The following ZEB2 variants were observed in gnomAD, a reference collection of about 807,000 sequenced individuals.
The protein encoded by ZEB2 is zinc finger E-box binding homeobox 2.
A neutral mutation model predicts 99.9 loss-of-function variants in ZEB2; 6 were observed. The ratio of observed to expected loss-of-function variants is 0.06; its 90% CI spans 0.03 to 0.12. The LOEUF (loss-of-function observed/expected upper bound fraction) is 0.12, where lower values mean the gene tolerates loss of function less well. Ranked by LOEUF, ZEB2 falls within the 10% of genes least tolerant of loss-of-function variation. ZEB2 has a pLI of 1.00. For missense variants in ZEB2, 969 were observed against 1,502.8 expected (o/e 0.64, Z 5.87); for synonymous variants, 517 against 542.5 (o/e 0.95, Z 0.65).
chr2:144,455,416 AAGCT>A (rs1475187042), intron 2 of ZEB2, among the ~76,000 whole-genome samples: 20 of 152,286 alleles, frequency 1.3e-4, no homozygotes, highest in South Asian at 4.1e-4. Flanking sequence ...TAAAATTTAC[AAGCT>A]GACTATCTGC....
chr2:144,387,003 T>C lies in ZEB2; in HGVS notation c.*2448A>G, dbSNP rs1390793400. ...TTTCTAAAAAGGTCTGCTCAACTAT[T>C]ACTGTATCTTCATTACATCCTTTCT... On this transcript the variant is annotated 3_prime_UTR_variant, in exon 10 of 10. Transcript: ENST00000627532. The C allele has an allele frequency of 7.2e-6, 1 of 138,402 alleles. No individual in the cohort carries two copies. Among genetic ancestry groups the C allele is most frequent in the Non-Finnish European group, 1.5e-5 (1 of 64,722 alleles). 8.6% of individuals were successfully genotyped at this position (138,402 alleles called of 1,614,324 possible).
In ZEB2 at chr2:144,497,877, C is replaced by A. The variant is rs1477190603; in HGVS notation, c.73+19401G>T. 5 of 2,166 alleles carry A rather than the reference C, an allele frequency of 2.3e-3. 1 individual carries two copies. The highest frequency in any genetic ancestry group is 0.01 in the Admixed American group (1 of 100). The allele number at this position is 2,166 out of a possible 1,614,324, so 0.1% of individuals were successfully genotyped here. On this transcript the variant is annotated intron_variant, in intron 2 of 9. Transcript: ENST00000627532. ...TCAACATATATATATATATGTCATT[C>A]TCAACATATATATATATGTCATTCT...
At chr2:144,411,093 ATATAT>A (rs1465163718) in intron 4 of ZEB2, among the ~76,000 whole-genome samples, 1 of 108,404 alleles carries the variant, frequency 9.2e-6, no homozygotes, top group African/African-American at 3.0e-5. Flanking sequence ...ATATATATAT[ATATAT>A]ATGTATAATA....
chr2:144,461,359 A>G (rs1704191805), intron 2 of ZEB2: 1 of 152,174 alleles, frequency 6.6e-6, no homozygotes, highest in Non-Finnish European at 1.5e-5. Context: ...GTAATAGTGC[A>G]TATCAATTTT....
chr2:144,480,646 T>C (rs937183243), intron 2 of ZEB2, among the ~76,000 whole-genome samples: 1 of 151,858 alleles, frequency 6.6e-6, no homozygotes, highest in African/African-American at 2.4e-5. Flanking sequence ...CTTTCTGCCC[T>C]GATAGGAATG....
chr2:144,512,347 C>T (rs1459413487), intron 2 of ZEB2: 3 of 1,287,250 alleles, frequency 2.3e-6, no homozygotes, highest in Middle Eastern at 6.5e-4. Flanking sequence ...GAATCTCCCA[C>T]ATCTTAGAAT....
intron 2 of ZEB2, among the ~76,000 whole-genome samples, chr2:144,438,682 A>G (rs1348427510): frequency 6.6e-6 from 1 of 152,164 alleles, no homozygotes; most frequent in Non-Finnish European, 1.5e-5. Flanking sequence ...TATCTTTGAA[A>G]TCTCAGTTTT....
chr2:144,449,098 G>A (rs555947883), intron 2 of ZEB2, among the ~76,000 whole-genome samples: 2 of 152,306 alleles, frequency 1.3e-5, no homozygotes, highest in South Asian at 2.1e-4. Flanking sequence ...TTCAGCCTGC[G>A]CACGCTGGGG....
At position 144,489,923 on chromosome 2, in the gene ZEB2, C is replaced by T. The variant is rs751575399; in HGVS notation, c.73+27355G>A. Among the ~76,000 whole-genome samples the T allele has an allele frequency of 5.1e-4, 78 of 152,176 alleles. 1 individual carries two copies. Among genetic ancestry groups the T allele is most frequent in the South Asian group, 2.1e-4 (1 of 4,828 alleles). On this transcript the variant is annotated intron_variant, in intron 2 of 9. Coordinates refer to ENST00000627532, the MANE Select transcript of ZEB2 (RefSeq NM_014795.4). ...GTGGACATTCCTTCTGAAACACAAACGGAGGCTCTGAAATTCCCATGTCTT... is the reference window on the plus strand; with the variant it reads ...GTGGACATTCCTTCTGAAACACAAATGGAGGCTCTGAAATTCCCATGTCTT...
At position 144,452,904 on chromosome 2, in the gene ZEB2, T is replaced by C. The variant is rs148184815; in HGVS notation, c.74-22878A>G. Among the ~76,000 whole-genome samples, 5 of 152,328 alleles carry C rather than the reference T, an allele frequency of 3.3e-5. No individual in the cohort carries two copies. The East Asian group carries it at 7.7e-4, about 24-fold the overall frequency. ...AAACTACTGACAAAAGCCTTTAATC[T>C]TTCCCACATTCCTCAAGGCATTCTC... On this transcript the variant is annotated intron_variant, in intron 2 of 9. Transcript: ENST00000627532.
At chr2:144,467,574 A>G (rs1418620129) in intron 2 of ZEB2, among the ~76,000 whole-genome samples, 2 of 152,164 alleles carry the variant, frequency 1.3e-5, no homozygotes, top group Non-Finnish European at 2.9e-5. Context: ...AATTCCAGGG[A>G]AAGAATCCCA....
intron 2 of ZEB2, among the ~76,000 whole-genome samples, chr2:144,436,708 C>T (rs1309060211): frequency 1.3e-5 from 2 of 152,192 alleles, no homozygotes; most frequent in African/African-American, 4.8e-5. Context: ...TAGGCTCCAA[C>T]ATGCAGGTAA....
rs919014269 is a variant in ZEB2, at chr2:144,399,829, A to G, written c.1358T>C (p.Met453Thr). ...MEAPLLGFPT[M>T]NSNLSEVQKV... Reference sequence around the variant, plus strand: ...TTGTACCTCACTTAAATTACTATTCATGGTGGGAAACCCAAGTAAAGGGGC... The same window carrying G: ...TTGTACCTCACTTAAATTACTATTCGTGGTGGGAAACCCAAGTAAAGGGGC... The change falls in exon 8 of 10, where the codon ATG (methionine) becomes ACG (threonine). Residue 453 changes from methionine (M) to threonine (T), a missense_variant. This residue lies in a region of ZEB2 where 227 missense variants were observed against 278.2 expected (regional missense o/e 0.82). Coordinates refer to ENST00000627532, the MANE Select transcript of ZEB2 (RefSeq NM_014795.4). The surrounding 1 kb of genome is among the most constrained non-coding windows in gnomAD (Gnocchi z 5.6). 6.2e-7 allele frequency: 1 copy of G among 1,614,054 alleles called. No homozygotes were observed. Among genetic ancestry groups the G allele is most frequent in the Admixed American group, 1.7e-5 (1 of 60,006 alleles).
chr2:144,512,622 G>A, intron 2 of ZEB2: 1 of 1,287,244 alleles, frequency 7.8e-7, no homozygotes, highest in Non-Finnish European at 1.0e-6. Flanking sequence ...GAGAAACAAT[G>A]TAAAGTTTAA....
intron 9 of ZEB2, 130 bp downstream of exon 9, chr2:144,396,282 A>G (rs1703228424): frequency 1.6e-6 from 2 of 1,235,668 alleles, no homozygotes; most frequent in African/African-American, 1.5e-5. Context: ...GCTCGGCAAA[A>G]GCATTATTTC....
At position 144,497,985 on chromosome 2, in the gene ZEB2, TATTA is replaced by T. The variant is rs1704800124; in HGVS notation, c.73+19289_73+19292del. On this transcript the variant is annotated intron_variant, in intron 2 of 9. Coordinates refer to ENST00000627532, the MANE Select transcript of ZEB2 (RefSeq NM_014795.4). ...TATTAATATTATATATTATATAATA[TATTA>T]ATATTATATATTATATAATATATTA... Among the ~76,000 whole-genome samples the T allele has an allele frequency of 2.9e-3, 18 of 6,214 alleles. 3 individuals carry two copies. The highest frequency in any genetic ancestry group is 0.01 in the East Asian group (1 of 98). The allele number at this position is 6,214 out of a possible 152,430, so 4.1% of individuals were successfully genotyped here.
chr2:144,411,117 C>G (rs1703457771), intron 4 of ZEB2, among the ~76,000 whole-genome samples: 1 of 74,854 alleles, frequency 1.3e-5, no homozygotes, highest in Non-Finnish European at 3.0e-5. Context: ...TAGGGCATCT[C>G]ATATATACAC....
At chr2:144,518,222 C>T (rs1295925097) in intron 1 of ZEB2, 3 of 152,304 alleles carry the variant, frequency 2.0e-5, no homozygotes, top group Admixed American at 1.3e-4. Context: ...AAGAGAAAGT[C>T]CAACCACTAC....
At chr2:144,513,730 C>T (rs1177625830) in intron 2 of ZEB2, 2 of 1,536,042 alleles carry the variant, frequency 1.3e-6, no homozygotes, top group Non-Finnish European at 8.7e-7. Context: ...AAGTTACAAA[C>T]GGGCCGCACC....
Sources: gnomAD v4.1 joint callset for allele counts (sites outside exome capture counted in the v4.1 genomes callset) on GRCh38, gnomAD v4.1.1 for gene constraint, gnomAD v4.1.1 regional missense constraint, Gnocchi (gnomAD v3.1) non-coding constraint, MANE v1.5 for transcripts, NCBI Gene and HGNC (gene_info 2026-07-23, HGNC 2026-07-21) for gene names.